AP2A2: variants seen among roughly 807,000 people sequenced by gnomAD.
AP2A2 encodes adaptor related protein complex 2 subunit alpha 2.
In AP2A2, 32 loss-of-function variants were observed where a neutral mutation model predicts 104.2. The observed-to-expected ratio is 0.31, with a 90% CI of 0.23 to 0.41. The LOEUF (loss-of-function observed/expected upper bound fraction) is 0.41. Among genes scored for constraint, AP2A2 ranks in the 10% least tolerant of loss-of-function variants. AP2A2 has a pLI of 1.00. For synonymous variants in AP2A2, 539 were observed against 533.3 expected, an observed-to-expected ratio of 1.01 and a Z score of -0.15; for missense variants, 912 against 1,261.0, an observed-to-expected ratio of 0.72 and a Z score of 4.19.
chr11:948,447 A>G (rs1327786726), intron 1 of AP2A2: 2 of 152,392 alleles, frequency 1.3e-5, no homozygotes, highest in Non-Finnish European at 1.5e-5. Context: ...CACATATACT[A>G]AAATTGGAAC....
chr11:1,007,994 A>G lies in AP2A2; in HGVS notation c.2297-18A>G, dbSNP rs768023217. On this transcript the variant is annotated intron_variant, in intron 17 of 21. Transcript: ENST00000448903. ...CTGCCACTGGGACTTGCTCAGCTGG[A>G]TTCCTTAACGCACGCACACCTGAAC... 5 of 1,553,186 alleles carry G rather than the reference A, an allele frequency of 3.2e-6. No homozygotes were observed. The highest frequency in any genetic ancestry group is 3.5e-6 in the Non-Finnish European group (4 of 1,148,594).
Position 1,011,281 on chromosome 11 carries a change from C to T in AP2A2, c.*656C>T, listed in dbSNP as rs1237616816. The T allele has an allele frequency of 7.7e-6, 4 of 518,930 alleles. No individual in the cohort carries two copies. Among genetic ancestry groups the T allele is most frequent in the African/African-American group, 1.9e-5 (1 of 52,108 alleles). 32.1% of individuals were successfully genotyped at this position (518,930 alleles called of 1,614,324 possible). Reference sequence around the variant, plus strand: ...AGGGCGTCTGTTATGCTCCTGCAGTCGCCGAGGCCTTGGATGTGCAGCCAG... The same window carrying T: ...AGGGCGTCTGTTATGCTCCTGCAGTTGCCGAGGCCTTGGATGTGCAGCCAG... On this transcript the variant is annotated 3_prime_UTR_variant, in exon 22 of 22. Coordinates refer to ENST00000448903, the MANE Select transcript of AP2A2 (RefSeq NM_012305.4).
chr11:973,533 C>A (rs961160893), intron 4 of AP2A2, among the ~76,000 whole-genome samples: 2 of 152,132 alleles, frequency 1.3e-5, no homozygotes, highest in African/African-American at 4.8e-5. Flanking sequence ...TGGACAGGAG[C>A]AGAACCACCG....
rs200992147 is a variant in AP2A2, at chr11:984,630, T to C, written c.706-15T>C. ...GTGTCCGGCAGCGTGTCTCATTGCC[T>C]GTGCTGTCTTACAGATCGTGACGTC... On this transcript the variant is annotated splice_polypyrimidine_tract_variant and intron_variant, in intron 6 of 21. Coordinates refer to ENST00000448903, the MANE Select transcript of AP2A2 (RefSeq NM_012305.4). 5.0e-6 allele frequency: 8 copies of C among 1,593,820 alleles called. No homozygotes were observed. The highest frequency in any genetic ancestry group is 1.3e-5 in the African/African-American group (1 of 74,564).
intron 1 of AP2A2, among the ~76,000 whole-genome samples, chr11:955,430 G>A (rs957838393): frequency 6.6e-6 from 1 of 152,188 alleles, no homozygotes; most frequent in Non-Finnish European, 1.5e-5. Flanking sequence ...GGAGCCGTCC[G>A]CTGGTCAGCC....
intron 4 of AP2A2, 67 bp downstream of exon 4, chr11:972,322 A>G (rs1165779300): frequency 3.9e-5 from 56 of 1,430,150 alleles, no homozygotes; most frequent in Non-Finnish European, 4.9e-5. Context: ...TACATCAAAT[A>G]TGGAGCTGCT....
At chr11:983,121 G>A (rs549286731) in intron 6 of AP2A2, among the ~76,000 whole-genome samples, 1 of 143,682 alleles carries the variant, frequency 7.0e-6, no homozygotes, top group Admixed American at 7.3e-5. Flanking sequence ...GTGTTCAAGC[G>A]ATTCTCCTAC....
chr11:953,546 C>CG (rs897353887), intron 1 of AP2A2, among the ~76,000 whole-genome samples: 3 of 95,600 alleles, frequency 3.1e-5, no homozygotes, highest in African/African-American at 1.1e-4. Context: ...ACCGTAAGAG[C>CG]CCCCCCCCCC....
chr11:979,712 G>A (rs904225038), intron 5 of AP2A2, among the ~76,000 whole-genome samples: 10 of 152,128 alleles, frequency 6.6e-5, no homozygotes, highest in Non-Finnish European at 1.3e-4. Context: ...CAGGCGAGGC[G>A]AGTGCCACCA....
At chr11:991,112 C>T (rs1168628230) in intron 10 of AP2A2, among the ~76,000 whole-genome samples, 4 of 151,998 alleles carry the variant, frequency 2.6e-5, no homozygotes, top group African/African-American at 9.7e-5. Context: ...TATGGTGCTC[C>T]CCTCTGTCCT....
chr11:985,729 T>C (rs1855433205), intron 8 of AP2A2, 147 bp downstream of exon 8: 2 of 1,205,292 alleles, frequency 1.7e-6, no homozygotes, highest in African/African-American at 3.1e-5. Flanking sequence ...CCGGATGCTT[T>C]TTTTCTTTCT....
intron 9 of AP2A2, 79 bp downstream of exon 9, chr11:987,032 G>C: frequency 6.8e-7 from 1 of 1,476,586 alleles, no homozygotes; most frequent in South Asian, 1.3e-5. Flanking sequence ...GGGGTACGCA[G>C]TGCCTCCTGA....
At chr11:978,521 G>C (rs1253160914) in intron 5 of AP2A2, among the ~76,000 whole-genome samples, 2 of 152,158 alleles carry the variant, frequency 1.3e-5, no homozygotes, top group African/African-American at 4.8e-5. Context: ...ACTTGAGTCA[G>C]CATATTCTTG....
At position 993,506 on chromosome 11, in the gene AP2A2, C is replaced by A; in HGVS notation, c.1550+125C>A. 2 of 735,988 alleles carry A rather than the reference C, an allele frequency of 2.7e-6. No individual in the cohort carries two copies. The highest frequency in any genetic ancestry group is 2.1e-6 in the Non-Finnish European group (1 of 469,074). The allele number at this position is 735,988 out of a possible 1,614,324, so 45.6% of individuals were successfully genotyped here. A position where few individuals can be genotyped will look rare whatever the true frequency, so the allele number is the denominator to read the frequency against. On this transcript the variant is annotated intron_variant, in intron 12 of 21. Transcript: ENST00000448903. The surrounding 1 kb of genome is among the most constrained non-coding windows in gnomAD (Gnocchi z 8.2). ...TCGCAGAGCCGCTTCTGCTCCCCAT[C>A]GGCGTCTTTTTGTTTTCCTTCAGTT... is the stretch of plus-strand genomic sequence containing the variant.
intron 1 of AP2A2, among the ~76,000 whole-genome samples, chr11:954,422 GTATT>G (rs1214522905): frequency 2.6e-5 from 4 of 151,894 alleles, no homozygotes; most frequent in Admixed American, 6.5e-5. Flanking sequence ...GTGTGTGTAT[GTATT>G]TGTGTTTATG....
chr11:991,001 CG>C (rs1465671596), intron 10 of AP2A2, among the ~76,000 whole-genome samples: 2 of 148,412 alleles, frequency 1.3e-5, no homozygotes, highest in Non-Finnish European at 3.0e-5. Flanking sequence ...TCCTTTTAGC[CG>C]GGCATGGTGC....
intron 3 of AP2A2, among the ~76,000 whole-genome samples, chr11:971,393 T>G (rs1854823225): frequency 6.6e-6 from 1 of 152,072 alleles, no homozygotes; most frequent in African/African-American, 2.4e-5. Context: ...GGCAGTGGTG[T>G]TTGGCAGGGC....
Position 959,067 on chromosome 11 carries a change from G to T in AP2A2, c.68-370G>T, listed in dbSNP as rs1589966533. On this transcript the variant is annotated intron_variant, in intron 1 of 21. Coordinates refer to ENST00000448903, the MANE Select transcript of AP2A2 (RefSeq NM_012305.4). ...GGAGTAAACCTCCGTGTTATTAGCG[G>T]ATGACGATTTATCATGGCAAACATC... Among the ~76,000 whole-genome samples, 5 of 152,378 alleles carry T rather than the reference G, an allele frequency of 3.3e-5. No individual in the cohort carries two copies. The Middle Eastern group carries it at 0.01, about 311-fold the overall frequency.
Position 1,008,088 on chromosome 11 carries a change from G to A in AP2A2, c.2373G>A (p.Glu791=). The A allele has an allele frequency of 6.2e-7, 1 of 1,604,198 alleles. No homozygotes were observed. The highest frequency in any genetic ancestry group is 8.5e-7 in the Non-Finnish European group (1 of 1,176,150). ...GAQVQQVVNI[E]CVSDFTEAPV... ...AGGTGCAGCAGGTGGTCAACATAGA[G>A]TGCGTGTCCGACTTCACGGAGGCGC... is the stretch of plus-strand genomic sequence containing the variant. Residue 791 remains glutamate, a synonymous_variant, in exon 18 of 22, where the codon GAG becomes GAA. Transcript: ENST00000448903.
Sources: allele counts gnomAD v4.1 joint callset (sites outside exome capture counted in the v4.1 genomes callset), GRCh38; gene constraint gnomAD v4.1.1; non-coding constraint Gnocchi (gnomAD v3.1); transcripts MANE v1.5; gene names NCBI Gene and HGNC (gene_info 2026-07-23, HGNC 2026-07-21).